Variants in SYT1 observed in about 807,000 individuals in gnomAD.
SYT1 encodes the protein synaptotagmin 1.
SYT1 carries 8 observed loss-of-function variants against 44.8 expected under a neutral mutation model. The ratio of observed to expected loss-of-function variants is 0.18; its 90% CI spans 0.10 to 0.32. The LOEUF is 0.32. Among genes scored for constraint, SYT1 ranks in the 10% least tolerant of loss-of-function variants. SYT1 has a pLI of 1.00. For synonymous variants in SYT1, 154 were observed against 188.8 expected, an observed-to-expected ratio of 0.82 and a Z score of 1.51; for missense variants, 286 against 509.3, an observed-to-expected ratio of 0.56 and a Z score of 4.22.
At position 79,217,619 on chromosome 12, in the gene SYT1, G is replaced by A. The variant is rs761486601; in HGVS notation, c.100G>A (p.Glu34Lys). 1.2e-6 allele frequency: 2 copies of A among 1,613,218 alleles called. No homozygotes were observed. The highest frequency in any genetic ancestry group is 1.7e-6 in the Non-Finnish European group (2 of 1,179,624). Residue 34 changes from glutamate to lysine, a missense_variant, in exon 4 of 11, where the codon GAA becomes AAA. By Grantham distance (56) the Glu-to-Lys change is moderately conservative (BLOSUM62 1). Coordinates refer to ENST00000261205, the MANE Select transcript of SYT1 (RefSeq NM_005639.3). Reference sequence around the variant, plus strand: ...CGCCACAGAGCCAGCCAGTCCTGGAGAAGGAAAGGAAGATGCATTTTCTAA... The same window carrying A: ...CGCCACAGAGCCAGCCAGTCCTGGAAAAGGAAAGGAAGATGCATTTTCTAA... The part of the protein sequence containing the change: ...SNATEPASPG[E>K]GKEDAFSKLK...
At chr12:79,018,324 TCA>T (rs1471727516) in intron 2 of SYT1, among the ~76,000 whole-genome samples, 4 of 120,770 alleles carry the variant, frequency 3.3e-5, no homozygotes, top group African/African-American at 1.3e-4. Context: ...AAGGGGAACA[TCA>T]CACACCAGGG....
intron 2 of SYT1, among the ~76,000 whole-genome samples, chr12:79,039,512 C>T (rs1353922464): frequency 6.6e-6 from 1 of 151,866 alleles, no homozygotes; most frequent in Admixed American, 6.6e-5. Flanking sequence ...AATTAGCTAC[C>T]AGAAAAATGC....
intron 8 of SYT1, among the ~76,000 whole-genome samples, chr12:79,318,062 T>A (rs1009977101): frequency 1.3e-5 from 2 of 152,230 alleles, no homozygotes; most frequent in African/African-American, 4.8e-5. Context: ...TATGGTTCCC[T>A]AAATGTACTG....
In SYT1 at chr12:79,449,141, T is replaced by G; in HGVS notation, c.*17T>G. On this transcript the variant is annotated 3_prime_UTR_variant, in exon 11 of 11. Transcript: ENST00000261205. ...AAGAAGTAAAGGAAAGAAGAAGCCTTTCTGCATTTGCCCATATAGTGCTCT... is the reference window on the plus strand; with the variant it reads ...AAGAAGTAAAGGAAAGAAGAAGCCTGTCTGCATTTGCCCATATAGTGCTCT... 6.3e-7 allele frequency: 1 copy of G among 1,585,278 alleles called. No individual in the cohort carries two copies. The highest frequency in any genetic ancestry group is 8.6e-7 in the Non-Finnish European group (1 of 1,164,918).
At chr12:79,397,253 A>G (rs1593032080) in intron 9 of SYT1, among the ~76,000 whole-genome samples, 2 of 152,268 alleles carry the variant, frequency 1.3e-5, no homozygotes, top group Admixed American at 1.3e-4. Flanking sequence ...TGTTTGAGAC[A>G]GGGTCTCCCT....
chr12:79,334,516 T>C (rs1301000021), intron 8 of SYT1, among the ~76,000 whole-genome samples: 1 of 151,956 alleles, frequency 6.6e-6, no homozygotes, highest in East Asian at 1.9e-4. Context: ...AGGAGACCAG[T>C]AGGAAAACAA....
intron 9 of SYT1, among the ~76,000 whole-genome samples, chr12:79,356,540 G>A (rs1430655019): frequency 1.3e-5 from 2 of 152,140 alleles, no homozygotes; most frequent in African/African-American, 2.4e-5. Flanking sequence ...TGGATGGTCT[G>A]TCTCAAAGTA....
intron 4 of SYT1, among the ~76,000 whole-genome samples, chr12:79,242,223 T>C (rs1045208211): frequency 2.6e-5 from 4 of 152,202 alleles, no homozygotes; most frequent in African/African-American, 7.2e-5. Context: ...TGTGAACGAA[T>C]GCTGCAATGA....
chr12:79,066,118 A>G (rs1875832933), intron 3 of SYT1, among the ~76,000 whole-genome samples: 1 of 152,142 alleles, frequency 6.6e-6, no homozygotes, highest in Admixed American at 6.6e-5. Context: ...TACACTACAC[A>G]CATATCATCC....
intron 8 of SYT1, among the ~76,000 whole-genome samples, chr12:79,320,107 G>A (rs1200857033): frequency 6.6e-6 from 1 of 152,124 alleles, no homozygotes; most frequent in South Asian, 2.1e-4. Context: ...CTCTGGCTGA[G>A]ATAAGATATT....
At chr12:79,427,061 T>C (rs950429301) in intron 9 of SYT1, among the ~76,000 whole-genome samples, 1 of 152,218 alleles carries the variant, frequency 6.6e-6, no homozygotes, top group Non-Finnish European at 1.5e-5. Context: ...TGCTGAACTG[T>C]CAATTAAACT....
intron 1 of SYT1, among the ~76,000 whole-genome samples, chr12:78,929,956 C>T (rs778213154): frequency 6.6e-6 from 1 of 151,968 alleles, no homozygotes; most frequent in African/African-American, 2.4e-5. Context: ...GCTCATGTTT[C>T]TGTGAAGTGG....
chr12:79,314,795 CA>C (rs1186802820), intron 8 of SYT1, among the ~76,000 whole-genome samples: 1 of 151,944 alleles, frequency 6.6e-6, no homozygotes, highest in African/African-American at 2.4e-5. Flanking sequence ...TCATAACAGC[CA>C]AAAAAGTAGA....
At chr12:79,308,876 G>T (rs1271792373) in intron 8 of SYT1, among the ~76,000 whole-genome samples, 1 of 152,212 alleles carries the variant, frequency 6.6e-6, no homozygotes, top group African/African-American at 2.4e-5. Flanking sequence ...TTTGGAAACT[G>T]TAAGCCTGGA....
At chr12:78,951,322 C>T (rs890222104) in intron 1 of SYT1, among the ~76,000 whole-genome samples, 1 of 151,970 alleles carries the variant, frequency 6.6e-6, no homozygotes, top group East Asian at 1.9e-4. Flanking sequence ...ATTATTATTT[C>T]CTAGATTTAT....
At chr12:79,096,722 CA>C (rs1394623329) in intron 3 of SYT1, among the ~76,000 whole-genome samples, 2 of 151,926 alleles carry the variant, frequency 1.3e-5, no homozygotes, top group African/African-American at 4.8e-5. Context: ...CATGAAAGAT[CA>C]GGGTAGATAC....
At chr12:79,291,870 G>C (rs746964846) in intron 5 of SYT1, 138 bp from the exon 6 acceptor site, 2 of 1,057,930 alleles carry the variant, frequency 1.9e-6, no homozygotes, top group South Asian at 2.6e-5. Context: ...CAGCAAATGT[G>C]AATGTGTGTC....
rs2136214181 is a variant in SYT1, at chr12:79,449,978, G to C, written c.*854G>C. The stretch of plus-strand genomic sequence containing the variant: ...TGTGTGCACATTTGTTTGGGGATGG[G>C]GGAGAAGAAGCTAAGGGGAGAAGTC... On this transcript the variant is annotated 3_prime_UTR_variant, in exon 11 of 11. Transcript: ENST00000261205. 1 of 151,270 alleles carries C rather than the reference G, an allele frequency of 6.6e-6. No homozygotes were observed. The highest frequency in any genetic ancestry group is 2.4e-5 in the African/African-American group (1 of 41,148). 9.4% of individuals were successfully genotyped at this position (151,270 alleles called of 1,614,324 possible).
chr12:78,950,335 A>T (rs1878895761), intron 1 of SYT1, among the ~76,000 whole-genome samples: 1 of 152,066 alleles, frequency 6.6e-6, no homozygotes, highest in African/African-American at 2.4e-5. Flanking sequence ...GTATCTTTTT[A>T]ATACAGTAAT....
Sources: allele counts gnomAD v4.1 joint callset (sites outside exome capture counted in the v4.1 genomes callset), GRCh38; gene constraint gnomAD v4.1.1; transcripts MANE v1.5; gene names NCBI Gene and HGNC (gene_info 2026-07-23, HGNC 2026-07-21).